EXOC6B: variants seen among roughly 807,000 people sequenced by gnomAD.
EXOC6B encodes the protein SEC15 homolog B.
In EXOC6B, 54 loss-of-function variants were observed where a neutral mutation model predicts 113.5. That is an observed-to-expected ratio of 0.48 (90% CI 0.38 to 0.60). EXOC6B has a LOEUF of 0.60. Ranked by LOEUF, EXOC6B falls within the 20% of genes least tolerant of loss-of-function variation. The probability of loss-of-function intolerance (pLI) is 0.00; values close to 1 mark genes in which losing one functional copy is unlikely to be tolerated. For synonymous variants in EXOC6B, 357 were observed against 339.0 expected (o/e 1.05, Z -0.58); for missense variants, 797 against 977.5 (o/e 0.82, Z 2.46).
At chr2:72,677,935 T>G (rs1475101589) in intron 6 of EXOC6B, among the ~76,000 whole-genome samples, 3 of 152,188 alleles carry the variant, frequency 2.0e-5, no homozygotes, top group Non-Finnish European at 4.4e-5. Flanking sequence ...AATCAACCAC[T>G]GGAATTCCTA....
intron 18 of EXOC6B, among the ~76,000 whole-genome samples, chr2:72,406,372 C>A (rs1573048796): frequency 6.6e-6 from 1 of 152,094 alleles, no homozygotes; most frequent in African/African-American, 2.4e-5. Flanking sequence ...ATCTACAGAA[C>A]TCTCCACCCC....
At chr2:72,763,982 G>C (rs941747605) in intron 1 of EXOC6B, among the ~76,000 whole-genome samples, 1 of 152,040 alleles carries the variant, frequency 6.6e-6, no homozygotes, top group Non-Finnish European at 1.5e-5. Context: ...GGGAGGCTGT[G>C]GTGGGAGGAT....
At chr2:72,675,418 T>A (rs1318518486) in intron 6 of EXOC6B, among the ~76,000 whole-genome samples, 1 of 152,248 alleles carries the variant, frequency 6.6e-6, no homozygotes, top group Non-Finnish European at 1.5e-5. Context: ...TTTTTTCTTG[T>A]GGAATCTTTA....
chr2:72,784,312 A>G (rs942440196), intron 1 of EXOC6B, among the ~76,000 whole-genome samples: 3 of 152,162 alleles, frequency 2.0e-5, no homozygotes, highest in African/African-American at 7.2e-5. Context: ...TTCAGAATCA[A>G]TTTGACTATT....
chr2:72,240,225 T>C (rs1156758438), intron 20 of EXOC6B, among the ~76,000 whole-genome samples: 1 of 152,182 alleles, frequency 6.6e-6, no homozygotes, highest in Non-Finnish European at 1.5e-5. Context: ...TGAATAGAAA[T>C]GGTAAAAGTA....
intron 1 of EXOC6B, among the ~76,000 whole-genome samples, chr2:72,799,239 CAAAAAAAAAAA>C (rs956224881): frequency 2.4e-5 from 1 of 41,336 alleles, no homozygotes; most frequent in East Asian, 6.8e-4. Flanking sequence ...GACCCTGTCT[CAAAAAAAAAAA>C]AAAAAAAAAA....
chr2:72,401,562 T>C (rs1431399722), intron 18 of EXOC6B, among the ~76,000 whole-genome samples: 7 of 32,102 alleles, frequency 2.2e-4, no homozygotes, highest in South Asian at 7.0e-4. Context: ...TATATATATA[T>C]ATACATATAT....
chr2:72,414,852 T>G (rs1325850837), intron 18 of EXOC6B, among the ~76,000 whole-genome samples: 1 of 152,196 alleles, frequency 6.6e-6, no homozygotes, highest in Non-Finnish European at 1.5e-5. Flanking sequence ...GGTCAGATAA[T>G]TGCTAGATTA....
At chr2:72,416,087 A>T (rs911635553) in intron 18 of EXOC6B, among the ~76,000 whole-genome samples, 7 of 152,206 alleles carry the variant, frequency 4.6e-5, no homozygotes, top group Admixed American at 4.6e-4. Context: ...CTAGCACAGC[A>T]GCTTTCATGG....
chr2:72,507,954 G>GAAAAAA (rs976240447), intron 11 of EXOC6B, among the ~76,000 whole-genome samples: 1 of 73,106 alleles, frequency 1.4e-5, no homozygotes, highest in Admixed American at 1.4e-4. Context: ...CATTGCTTTA[G>GAAAAAA]AAAAAAAAAA....
intron 6 of EXOC6B, among the ~76,000 whole-genome samples, chr2:72,683,244 C>T (rs771154060): frequency 6.6e-6 from 1 of 152,074 alleles, no homozygotes; most frequent in African/African-American, 2.4e-5. Context: ...GATTCTCCAC[C>T]TTCCTCAACC....
intron 20 of EXOC6B, among the ~76,000 whole-genome samples, chr2:72,308,262 C>T (rs1687006398): frequency 6.6e-6 from 1 of 152,186 alleles, no homozygotes; most frequent in Admixed American, 6.5e-5. Flanking sequence ...CAAATACTAC[C>T]TCCTTTCCAT....
At chr2:72,267,449 G>A (rs1257929355) in intron 20 of EXOC6B, among the ~76,000 whole-genome samples, 4 of 152,254 alleles carry the variant, frequency 2.6e-5, no homozygotes, top group South Asian at 2.1e-4. Flanking sequence ...CTAATTTATC[G>A]AGAGTTTTTA....
chr2:72,459,888 A>G (rs891689565), intron 18 of EXOC6B, among the ~76,000 whole-genome samples: 28 of 152,078 alleles, frequency 1.8e-4, no homozygotes, highest in African/African-American at 5.6e-4. Context: ...AAAAGAGCCC[A>G]CATCGCCAAG....
rs762405917 is a variant in EXOC6B, at chr2:72,305,359, TGTATA to T, written c.2196+29583_2196+29587del. Among the ~76,000 whole-genome samples, 165 of 151,778 alleles carry T rather than the reference TGTATA, an allele frequency of 1.1e-3. 2 individuals are homozygous for T. The highest frequency in any genetic ancestry group is 2.0e-3 in the African/African-American group (83 of 41,208). ...ATGTATATGTATATGTATATGTATA[TGTATA>T]TGTATATGTGTATGTATATGAATGA... On this transcript the variant is annotated intron_variant, in intron 20 of 21. Transcript: ENST00000272427.
At chr2:72,569,647 C>G (rs946879640) in intron 7 of EXOC6B, among the ~76,000 whole-genome samples, 1 of 152,166 alleles carries the variant, frequency 6.6e-6, no homozygotes, top group Non-Finnish European at 1.5e-5. Flanking sequence ...TCTGCAACCT[C>G]TGGTTTAAAC....
rs1388163241 is a variant in EXOC6B at position 72,176,817 on chromosome 2, C to T, written c.*2518G>A. The T allele has an allele frequency of 6.6e-6, 1 of 152,202 alleles. No homozygotes were observed. The highest frequency in any genetic ancestry group is 1.5e-5 in the Non-Finnish European group (1 of 68,060). The allele number at this position is 152,202 out of a possible 1,614,324, so 9.4% of individuals were successfully genotyped here. ...ATACAGGCTTCTAGCCATCTGTGTG[C>T]TTGCCCTCTTATTGAGGCCCTCCAC... On this transcript the variant is annotated 3_prime_UTR_variant, in exon 22 of 22. Transcript: ENST00000272427.
intron 1 of EXOC6B, among the ~76,000 whole-genome samples, chr2:72,806,814 T>C (rs547374148): frequency 1.3e-5 from 2 of 152,324 alleles, no homozygotes; most frequent in East Asian, 3.9e-4. Context: ...CATATGCTTG[T>C]TGGCTGTATG....
intron 20 of EXOC6B, among the ~76,000 whole-genome samples, chr2:72,326,918 G>A (rs1453684139): frequency 1.3e-5 from 2 of 152,006 alleles, no homozygotes; most frequent in Non-Finnish European, 2.9e-5. Flanking sequence ...GGCAATATGG[G>A]TTGAAAGCAA....
Sources: gnomAD v4.1 joint callset for allele counts (sites outside exome capture counted in the v4.1 genomes callset) on GRCh38, gnomAD v4.1.1 for gene constraint, MANE v1.5 for transcripts, NCBI Gene and HGNC (gene_info 2026-07-23, HGNC 2026-07-21) for gene names.